Variants in TECTA observed in about 807,000 individuals in gnomAD.
TECTA encodes tectorin alpha, also known as alpha-tectorin.
In TECTA, 128 loss-of-function variants were observed where a neutral mutation model predicts 216.8. That is an observed-to-expected ratio of 0.59 (90% CI 0.51 to 0.68). The LOEUF (loss-of-function observed/expected upper bound fraction) is 0.68, where lower values mean the gene tolerates loss of function less well. TECTA is among the 30% of genes least tolerant of loss of function. The pLI is 0.00. For missense variants in TECTA, 2,551 were observed against 2,786.2 expected, an observed-to-expected ratio of 0.92 and a Z score of 1.90; for synonymous variants, 1,089 against 1,117.1, an observed-to-expected ratio of 0.97 and a Z score of 0.50.
In TECTA at chr11:121,128,311, C is replaced by A. The variant is rs1258223789; in HGVS notation, c.2334C>A (p.Val778=). The change falls in exon 9 of 24, where the codon GTC becomes GTA. Residue 778 remains valine, a synonymous_variant. Coordinates refer to ENST00000392793, the MANE Select transcript of TECTA (RefSeq NM_005422.4). ...GGATCCTGGTGGCCGACCAGGAGGT[C>A]AAGATAGGAGGCATCGGGGCTTCGG... ...GLRILVADQE[V]KIGGIGASEV... is the part of the protein sequence containing the mutation. The A allele has an allele frequency of 6.3e-6, 10 of 1,599,684 alleles. No individual in the cohort carries two copies. The highest frequency in any genetic ancestry group is 8.5e-6 in the Non-Finnish European group (10 of 1,179,950).
chr11:121,132,500 G>T (rs1439322816), intron 10 of TECTA, among the ~76,000 whole-genome samples: 1 of 152,196 alleles, frequency 6.6e-6, no homozygotes, highest in Admixed American at 6.5e-5. Flanking sequence ...TAGGATCTGG[G>T]TGTCAGGTGT....
intron 10 of TECTA, among the ~76,000 whole-genome samples, chr11:121,135,927 A>G (rs1364526156): frequency 6.6e-6 from 1 of 151,284 alleles, no homozygotes; most frequent in South Asian, 2.1e-4. Context: ...CTACCACTAC[A>G]TGGTGAGTAT....
At chr11:121,166,343 G>C (rs1565535513) in intron 17 of TECTA, among the ~76,000 whole-genome samples, 1 of 152,230 alleles carries the variant, frequency 6.6e-6, no homozygotes, top group Non-Finnish European at 1.5e-5. Context: ...AAAGACAGAA[G>C]ACACTTTATT....
intron 20 of TECTA, among the ~76,000 whole-genome samples, chr11:121,179,186 G>C (rs986869737): frequency 5.3e-5 from 8 of 151,626 alleles, no homozygotes; most frequent in African/African-American, 1.7e-4. Context: ...TTTCCTCTTA[G>C]CACTCTTTTT....
chr11:121,173,327 A>T (rs1298541988), intron 20 of TECTA, among the ~76,000 whole-genome samples: 2 of 150,060 alleles, frequency 1.3e-5, no homozygotes, highest in Non-Finnish European at 3.0e-5. Flanking sequence ...TTTTAGGTCT[A>T]ATGTTTAAGT....
intron 11 of TECTA, among the ~76,000 whole-genome samples, chr11:121,138,340 C>T (rs974204473): frequency 5.3e-5 from 8 of 152,314 alleles, no homozygotes; most frequent in Middle Eastern, 3.4e-3. Flanking sequence ...TGCTTGGTGG[C>T]TGCTGTGTGA....
chr11:121,119,763 A>G (rs1043098219), intron 7 of TECTA, among the ~76,000 whole-genome samples: 4 of 152,246 alleles, frequency 2.6e-5, no homozygotes, highest in Non-Finnish European at 5.9e-5. Flanking sequence ...AGGCAGGGCC[A>G]GGGAACTAAT....
chr11:121,113,553 G>A lies in TECTA; in HGVS notation c.625G>A (p.Ala209Thr). The A allele has an allele frequency of 6.2e-7, 1 of 1,614,002 alleles. No individual in the cohort carries two copies. The highest frequency in any genetic ancestry group is 2.2e-5 in the East Asian group (1 of 44,878). The change falls in exon 6 of 24, where the codon GCA becomes ACA. Residue 209 changes from alanine (A) to threonine (T), a missense_variant and splice_region_variant. Transcript: ENST00000392793. The surrounding 1 kb of genome is among the most constrained non-coding windows in gnomAD (Gnocchi z 4.2). ...ATCTTGTCTTCCTTTTGTGCTGCAG[G>A]CAGGATTTAATGGTGGAAACCTCAC... is the stretch of plus-strand genomic sequence containing the variant. ...LTGLGGVMAQ[A>T]GFNGGNLTNF...
At chr11:121,126,347 C>G (rs116781644) in intron 8 of TECTA, among the ~76,000 whole-genome samples, 1 of 152,330 alleles carries the variant, frequency 6.6e-6, no homozygotes, top group African/African-American at 2.4e-5. Flanking sequence ...CCTGCTGCTG[C>G]TGCAGATGAG....
At chr11:121,165,100 A>G (rs1014161832) in intron 16 of TECTA, among the ~76,000 whole-genome samples, 173 bp from the exon 17 acceptor site, 2 of 152,206 alleles carry the variant, frequency 1.3e-5, no homozygotes, top group Admixed American at 6.5e-5. Context: ...GCAAGCACCT[A>G]TGTGCTAGCT....
Position 121,105,942 on chromosome 11 carries a change from G to A in TECTA, c.176G>A (p.Gly59Asp). ...TTGGCCATCCCAGTTTTCTTCTTTG[G>A]CGTTCCTTACCGCACTGTCTATGTA... ...IKLAIPVFFF[G>D]VPYRTVYVNN... Residue 59 changes from glycine (G) to aspartate (D), a missense_variant, in exon 3 of 24, where the codon GGC becomes GAC. Physicochemically the swap from Gly to Asp is moderately conservative, Grantham distance 94. Coordinates refer to ENST00000392793, the MANE Select transcript of TECTA (RefSeq NM_005422.4). The surrounding 1 kb of genome is among the most constrained non-coding windows in gnomAD (Gnocchi z 5.3). 1 of 1,614,146 alleles carries A rather than the reference G, an allele frequency of 6.2e-7. No individual in the cohort carries two copies. The highest frequency in any genetic ancestry group is 1.3e-5 in the African/African-American group (1 of 75,044).
rs1946651248 is a variant in TECTA, at chr11:121,129,680, G to A, written c.2410G>A (p.Gly804Arg). The change falls in exon 10 of 24, where the codon GGG (glycine) becomes AGG (arginine). Residue 804 changes from glycine to arginine, a missense_variant. Gly to Arg is a moderately radical substitution (Grantham distance 125, BLOSUM62 -2). Around this residue, in one of 3 missense-constraint regions of TECTA, gnomAD observed 2,375 missense variants for 2,563.9 expected, o/e 0.93. Coordinates refer to ENST00000392793, the MANE Select transcript of TECTA (RefSeq NM_005422.4). ...GGAATTGCCTTTTTTCCATCCTTCG[G>A]GGAAGCTGGAAATTTATCGAAACAA... ...EVELPFFHPS[G>R]KLEIYRNKNS... is the part of the protein sequence containing the mutation. 1.2e-6 allele frequency: 2 copies of A among 1,614,054 alleles called. No individual in the cohort carries two copies. The highest frequency in any genetic ancestry group is 1.3e-5 in the African/African-American group (1 of 74,898).
chr11:121,146,130 G>T lies in TECTA; in HGVS notation c.4105+14G>T. On this transcript the variant is annotated intron_variant, in intron 12 of 23. Coordinates refer to ENST00000392793, the MANE Select transcript of TECTA (RefSeq NM_005422.4). ...ACACGTCCTGCAGTGAGTCCTTCTC[G>T]TTGTCCCTCCTTGTAGCTTCTCCTC... is the stretch of plus-strand genomic sequence containing the variant. 6.2e-7 allele frequency: 1 copy of T among 1,603,086 alleles called. No homozygotes were observed. Among genetic ancestry groups the T allele is most frequent in the South Asian group, 1.1e-5 (1 of 91,042 alleles).
chr11:121,173,266 T>C (rs1254692958), intron 20 of TECTA, among the ~76,000 whole-genome samples: 2 of 150,916 alleles, frequency 1.3e-5, no homozygotes, highest in South Asian at 2.1e-4. Flanking sequence ...TCCTTGCCCA[T>C]GCCTATGTCC....
rs1382758410 is a variant in TECTA, at chr11:121,102,740, C to T, written c.64+11C>T. The T allele has an allele frequency of 1.2e-6, 2 of 1,610,926 alleles. No homozygotes were observed. The highest frequency in any genetic ancestry group is 1.3e-5 in the African/African-American group (1 of 74,778). On this transcript the variant is annotated intron_variant, in intron 2 of 23. Transcript: ENST00000392793. Reference sequence around the variant, plus strand: ...TTGTACAGCACCAAGGTGAGTACTACAGAATTCCATAAAGCTCTCAGTTAG... The same window carrying T: ...TTGTACAGCACCAAGGTGAGTACTATAGAATTCCATAAAGCTCTCAGTTAG...
In TECTA at chr11:121,137,459, A is replaced by C. The variant is rs1428531292; in HGVS notation, c.2980A>C (p.Ile994Leu). 1 of 1,613,848 alleles carries C rather than the reference A, an allele frequency of 6.2e-7. No homozygotes were observed. Among genetic ancestry groups the C allele is most frequent in the African/African-American group, 1.3e-5 (1 of 74,872 alleles). The stretch of plus-strand genomic sequence containing the variant: ...AGAGAACAGCCACTTTGAGGAGTGC[A>C]TCACATGTACAGAGACCTGTGAGAC... The part of the protein sequence containing the change: ...CPENSHFEEC[I>L]TCTETCETLT... The change falls in exon 11 of 24, where the codon ATC becomes CTC. Residue 994 changes from isoleucine to leucine, a missense_variant. Physicochemically the swap from Ile to Leu is conservative, Grantham distance 5. Around this residue, in one of 3 missense-constraint regions of TECTA, gnomAD observed 2,375 missense variants for 2,563.9 expected, o/e 0.93. Coordinates refer to ENST00000392793, the MANE Select transcript of TECTA (RefSeq NM_005422.4).
Position 121,137,707 on chromosome 11 carries a change from C to G in TECTA, c.3228C>G (p.Pro1076=). ...ACAGGGTCCACTGCGAGACCATTCC[C>G]TGCAAGGATGATGAGTACTGCATGG... ...TDNRVHCETI[P]CKDDEYCMEE... is the part of the protein sequence containing the mutation. The change falls in exon 11 of 24, where the codon CCC becomes CCG. Residue 1076 remains proline (P), a synonymous_variant. Transcript: ENST00000392793. 6.2e-7 allele frequency: 1 copy of G among 1,614,152 alleles called. No individual in the cohort carries two copies. The highest frequency in any genetic ancestry group is 8.5e-7 in the Non-Finnish European group (1 of 1,180,036).
At position 121,158,036 on chromosome 11, in the gene TECTA, G is replaced by A. The variant is rs1056976311; in HGVS notation, c.4501G>A (p.Ala1501Thr). The change falls in exon 14 of 24, where the codon GCC becomes ACC. Residue 1501 changes from alanine to threonine, a missense_variant. Ala to Thr is a moderately conservative substitution (Grantham distance 58). This residue lies in a region of TECTA where 2,375 missense variants were observed against 2,563.9 expected (regional missense o/e 0.93). Coordinates refer to ENST00000392793, the MANE Select transcript of TECTA (RefSeq NM_005422.4). Reference sequence around the variant, plus strand: ...CGGCGTCTTCCGCACCTTCGACGGCGCCTTCCTGCGCTTCCCAGCCAACTG... The same window carrying A: ...CGGCGTCTTCCGCACCTTCGACGGCACCTTCCTGCGCTTCCCAGCCAACTG... Reference protein sequence around the residue: ...GGGVFRTFDGAFLRFPANCAF... With the variant: ...GGGVFRTFDGTFLRFPANCAF... The A allele has an allele frequency of 5.0e-6, 8 of 1,613,016 alleles. No individual in the cohort carries two copies. The highest frequency in any genetic ancestry group is 6.8e-6 in the Non-Finnish European group (8 of 1,179,972).
At chr11:121,140,783 T>C (rs1188980412) in intron 11 of TECTA, 2 of 152,456 alleles carry the variant, frequency 1.3e-5, no homozygotes, top group Middle Eastern at 3.4e-3. Flanking sequence ...TCTTCTGTTT[T>C]CTCTGTGTCC....
Sources: gnomAD v4.1 joint callset for allele counts (sites outside exome capture counted in the v4.1 genomes callset) on GRCh38, gnomAD v4.1.1 for gene constraint, gnomAD v4.1.1 regional missense constraint, Gnocchi (gnomAD v3.1) non-coding constraint, MANE v1.5 for transcripts, NCBI Gene and HGNC (gene_info 2026-07-23, HGNC 2026-07-21) for gene names.